Variants in SRD5A1 observed in about 807,000 individuals in gnomAD.
SRD5A1 encodes 3-oxo-5-alpha-steroid 4-dehydrogenase 1.
Under a neutral mutation model 28.2 loss-of-function variants are expected in SRD5A1, and 22 were observed. That is an observed-to-expected ratio of 0.78 (90% CI 0.56 to 1.12). The LOEUF is 1.12. Ranked by LOEUF, SRD5A1 falls within the 50% of genes most tolerant of loss-of-function variation. The probability of loss-of-function intolerance (pLI) is 0.00; values close to 1 mark genes in which losing one functional copy is unlikely to be tolerated. For synonymous variants in SRD5A1, 151 were observed against 135.0 expected (o/e 1.12, Z -0.82); for missense variants, 300 against 346.7 (o/e 0.87, Z 1.07).
intron 1 of SRD5A1, among the ~76,000 whole-genome samples, chr5:6,649,336 C>T (rs1386725057): frequency 6.6e-6 from 1 of 152,202 alleles, no homozygotes; most frequent in East Asian, 1.9e-4. Context: ...CCCCCTCCCC[C>T]AGGTGCTCTG....
chr5:6,644,401 T>G (rs1738447873), intron 1 of SRD5A1, among the ~76,000 whole-genome samples: 1 of 152,178 alleles, frequency 6.6e-6, no homozygotes, highest in Non-Finnish European at 1.5e-5. Context: ...TTCCTCAAAC[T>G]TAGAATTTGA....
chr5:6,640,156 C>T (rs1456767450), intron 1 of SRD5A1, among the ~76,000 whole-genome samples: 1 of 152,150 alleles, frequency 6.6e-6, no homozygotes, highest in African/African-American at 2.4e-5. Context: ...CCAGCCAGCC[C>T]TGCCTCTGTG....
At chr5:6,648,058 TATGAAA>T (rs1240848626) in intron 1 of SRD5A1, among the ~76,000 whole-genome samples, 1 of 152,192 alleles carries the variant, frequency 6.6e-6, no homozygotes, top group African/African-American at 2.4e-5. Flanking sequence ...AAATTCCAGA[TATGAAA>T]GAAAAGAAAA....
chr5:6,654,541 C>A (rs991512241), intron 2 of SRD5A1, among the ~76,000 whole-genome samples: 3 of 152,160 alleles, frequency 2.0e-5, no homozygotes, highest in African/African-American at 7.2e-5. Context: ...TCAAGCAATT[C>A]TTGTGCCTCA....
chr5:6,661,895 CA>C lies in SRD5A1; in HGVS notation c.563-920del, dbSNP rs199685408. Reference sequence around the variant, plus strand: ...TTCAGAATTTTCTCAGCTCTGCAGACATAGTGTCCAGTTGGAACCTGGGGCA... The same window carrying C: ...TTCAGAATTTTCTCAGCTCTGCAGACTAGTGTCCAGTTGGAACCTGGGGCA... On this transcript the variant is annotated intron_variant, in intron 3 of 4. Transcript: ENST00000274192. Among the ~76,000 whole-genome samples, 467 of 152,258 alleles carry C rather than the reference CA, an allele frequency of 3.1e-3. 1 individual carries two copies. Among genetic ancestry groups the C allele is most frequent in the Middle Eastern group, 0.01 (3 of 294 alleles).
At chr5:6,653,186 G>GT (rs1430405784) in intron 2 of SRD5A1, among the ~76,000 whole-genome samples, 1 of 152,132 alleles carries the variant, frequency 6.6e-6, no homozygotes, top group Non-Finnish European at 1.5e-5. Context: ...TCTCAGCCAT[G>GT]TTTTTTGTTG....
intron 3 of SRD5A1, among the ~76,000 whole-genome samples, chr5:6,661,596 G>A (rs1429030223): frequency 1.4e-5 from 2 of 140,432 alleles, no homozygotes; most frequent in Admixed American, 7.8e-5. Context: ...GCAATGGCAC[G>A]ATCTCGGCTC....
intron 1 of SRD5A1, among the ~76,000 whole-genome samples, chr5:6,634,553 A>T (rs1411102865): frequency 2.6e-5 from 4 of 152,026 alleles, no homozygotes; most frequent in African/African-American, 9.7e-5. Context: ...CAGCCAAGTG[A>T]TCAGCTGCAA....
chr5:6,660,519 T>C (rs1738969752), intron 3 of SRD5A1, among the ~76,000 whole-genome samples: 1 of 152,202 alleles, frequency 6.6e-6, no homozygotes, highest in Non-Finnish European at 1.5e-5. Context: ...TTGTAGAAAG[T>C]TGAAGCAGTT....
At chr5:6,656,380 T>C (rs566776442) in intron 3 of SRD5A1, among the ~76,000 whole-genome samples, 1 of 152,316 alleles carries the variant, frequency 6.6e-6, no homozygotes, top group African/African-American at 2.4e-5. Context: ...AACTGAACAG[T>C]TATTAAACAA....
At position 6,670,663 on chromosome 5, in the gene SRD5A1, C is replaced by T. The variant is rs550932914; in HGVS notation, c.*2395C>T. The T allele has an allele frequency of 2.2e-4, 33 of 152,118 alleles. No homozygotes were observed. Among genetic ancestry groups the T allele is most frequent in the African/African-American group, 7.5e-4 (31 of 41,472 alleles). 9.4% of individuals were successfully genotyped at this position (152,118 alleles called of 1,614,324 possible). A position where few individuals can be genotyped will look rare whatever the true frequency, so the allele number is the denominator to read the frequency against. ...CCCAGGTGGAGTGACAGGTAAGAAA[C>T]AAGTAAGTAGCTAAAATAATGTTAG... is the stretch of plus-strand genomic sequence containing the variant. On this transcript the variant is annotated 3_prime_UTR_variant, in exon 5 of 5. Coordinates refer to ENST00000274192, the MANE Select transcript of SRD5A1 (RefSeq NM_001047.4).
intron 4 of SRD5A1, among the ~76,000 whole-genome samples, chr5:6,665,461 G>A (rs377747181): frequency 2.6e-4 from 40 of 152,300 alleles, no homozygotes; most frequent in South Asian, 1.2e-3. Flanking sequence ...TTTCTCCTCC[G>A]CCAGATGACT....
intron 4 of SRD5A1, among the ~76,000 whole-genome samples, chr5:6,663,906 A>G (rs1402712461): frequency 6.6e-6 from 1 of 152,144 alleles, no homozygotes; most frequent in African/African-American, 2.4e-5. Context: ...GTCAAGGCTG[A>G]AGTGAATTTA....
At chr5:6,655,374 A>G (rs1258215313) in intron 2 of SRD5A1, among the ~76,000 whole-genome samples, 1 of 152,198 alleles carries the variant, frequency 6.6e-6, no homozygotes, top group Non-Finnish European at 1.5e-5. Context: ...GTGATGAAAA[A>G]TCCCTGCGGA....
chr5:6,666,183 T>C (rs984807224), intron 4 of SRD5A1, among the ~76,000 whole-genome samples: 1 of 152,160 alleles, frequency 6.6e-6, no homozygotes, highest in Non-Finnish European at 1.5e-5. Context: ...AGTCTCGCTC[T>C]GTCGCCCAGG....
intron 1 of SRD5A1, among the ~76,000 whole-genome samples, chr5:6,639,424 G>A (rs897537816): frequency 5.9e-5 from 9 of 152,190 alleles, no homozygotes; most frequent in Non-Finnish European, 4.4e-5. Context: ...CGTTTGAATA[G>A]CTGGAGAAAT....
chr5:6,673,981 A>C lies in SRD5A1; in HGVS notation c.*5713A>C, dbSNP rs1258572201. 3.9e-5 allele frequency: 6 copies of C among 152,310 alleles called. No individual in the cohort carries two copies. The highest frequency in any genetic ancestry group is 3.9e-4 in the East Asian group (2 of 5,192). The allele number at this position is 152,310 out of a possible 1,614,324, so 9.4% of individuals were successfully genotyped here. ...GGGATGAACAGGCAGAATACAAACA[A>C]ATTTTAGGGCAGTGAAACTATTATT... On this transcript the variant is annotated 3_prime_UTR_variant, in exon 5 of 5. Coordinates refer to ENST00000274192, the MANE Select transcript of SRD5A1 (RefSeq NM_001047.4).
chr5:6,655,512 C>T (rs1738806186), intron 2 of SRD5A1, among the ~76,000 whole-genome samples: 1 of 152,184 alleles, frequency 6.6e-6, no homozygotes, highest in Non-Finnish European at 1.5e-5. Context: ...ATTGATGAGC[C>T]TGCAGGAATT....
rs1223306574 is a variant in SRD5A1, at chr5:6,669,994, C to T, written c.*1726C>T. 6.6e-6 allele frequency: 1 copy of T among 152,520 alleles called. No homozygotes were observed. The highest frequency in any genetic ancestry group is 1.5e-5 in the Non-Finnish European group (1 of 68,306). The allele number at this position is 152,520 out of a possible 1,614,324, so 9.4% of individuals were successfully genotyped here. Reference sequence around the variant, plus strand: ...TCCTCACATCTGGGCTGACAGAAGGCAGAGGGAAATGAGCATCTCAAAGTG... The same window carrying T: ...TCCTCACATCTGGGCTGACAGAAGGTAGAGGGAAATGAGCATCTCAAAGTG... On this transcript the variant is annotated 3_prime_UTR_variant, in exon 5 of 5. Coordinates refer to ENST00000274192, the MANE Select transcript of SRD5A1 (RefSeq NM_001047.4).
Sources: gnomAD v4.1 joint callset for allele counts (sites outside exome capture counted in the v4.1 genomes callset) on GRCh38, gnomAD v4.1.1 for gene constraint, MANE v1.5 for transcripts, NCBI Gene and HGNC (gene_info 2026-07-23, HGNC 2026-07-21) for gene names.